The following TOGARAM1 variants were observed in gnomAD, a reference collection of about 807,000 sequenced individuals.
The protein encoded by TOGARAM1 is TOG array regulator of axonemal microtubules 1.
In TOGARAM1, 100 loss-of-function variants were observed where a neutral mutation model predicts 166.6. The ratio of observed to expected loss-of-function variants is 0.60; its 90% CI spans 0.51 to 0.71. The LOEUF is 0.71. TOGARAM1 is among the 30% of genes least tolerant of loss of function. The pLI, the probability that TOGARAM1 is intolerant of heterozygous loss-of-function variation, is 0.00. For missense variants in TOGARAM1, 2,029 were observed against 2,102.7 expected, an observed-to-expected ratio of 0.96 and a Z score of 0.69; for synonymous variants, 758 against 763.8, an observed-to-expected ratio of 0.99 and a Z score of 0.13.
chr14:44,972,263 A>AGT (rs1418910799), intron 1 of TOGARAM1, among the ~76,000 whole-genome samples: 1 of 151,904 alleles, frequency 6.6e-6, no homozygotes, highest in Non-Finnish European at 1.5e-5. Flanking sequence ...AATTTGTTAA[A>AGT]GTGTGTGTGT....
chr14:45,045,766 T>C (rs1013673026), intron 13 of TOGARAM1, among the ~76,000 whole-genome samples: 1 of 144,882 alleles, frequency 6.9e-6, no homozygotes, highest in Non-Finnish European at 1.5e-5. Flanking sequence ...CACATATATA[T>C]ATAAAACATT....
intron 1 of TOGARAM1, among the ~76,000 whole-genome samples, chr14:44,969,729 G>T (rs1885778504): frequency 6.6e-6 from 1 of 152,088 alleles, no homozygotes; most frequent in Admixed American, 6.6e-5. Context: ...TTTATGAAGG[G>T]TGTCAGGTCT....
chr14:44,980,767 A>G (rs1036900872), intron 1 of TOGARAM1, among the ~76,000 whole-genome samples: 1 of 152,184 alleles, frequency 6.6e-6, no homozygotes, highest in African/African-American at 2.4e-5. Flanking sequence ...ATGCTAAGGA[A>G]TTTAACCTGT....
rs753188167 is a variant in TOGARAM1 at position 45,068,564 on chromosome 14, G to A, written c.4890G>A (p.Val1630=). 1 of 1,613,202 alleles carries A rather than the reference G, an allele frequency of 6.2e-7. No individual in the cohort carries two copies. The highest frequency in any genetic ancestry group is 8.5e-7 in the Non-Finnish European group (1 of 1,179,588). The change falls in exon 18 of 20, where the codon GTG becomes GTA. Residue 1630 remains valine, a synonymous_variant. Coordinates refer to ENST00000361462, the MANE Select transcript of TOGARAM1 (RefSeq NM_001308120.2). The part of the protein sequence containing the change: ...PIINMLIPAI[V]DNNLNSKNPG... The stretch of plus-strand genomic sequence containing the variant: ...TCAACATGCTAATTCCAGCAATAGT[G>A]GATAACAATCTGAATTCCAAGAATC...
intron 3 of TOGARAM1, 102 bp downstream of exon 3, chr14:44,999,599 AAAAAT>A (rs1475913260): frequency 6.5e-6 from 6 of 916,102 alleles, no homozygotes; most frequent in Non-Finnish European, 9.0e-6. Flanking sequence ...ACTCATCACA[AAAAAT>A]AAAAGGATTT....
At chr14:45,064,991 A>G (rs1035280204) in intron 16 of TOGARAM1, among the ~76,000 whole-genome samples, 1 of 152,016 alleles carries the variant, frequency 6.6e-6, no homozygotes, top group Non-Finnish European at 1.5e-5. Context: ...TTATAATATT[A>G]TAATGTGCAT....
At chr14:44,983,104 G>T (rs1165287941) in intron 1 of TOGARAM1, among the ~76,000 whole-genome samples, 2 of 152,168 alleles carry the variant, frequency 1.3e-5, no homozygotes, top group Admixed American at 6.5e-5. Flanking sequence ...AATTAAACAT[G>T]CCGACTCTGT....
chr14:44,982,541 C>T (rs549309572), intron 1 of TOGARAM1, among the ~76,000 whole-genome samples: 2 of 152,180 alleles, frequency 1.3e-5, no homozygotes, highest in South Asian at 4.2e-4. Context: ...TGTATGTGGG[C>T]ACGAGGTCTG....
chr14:45,037,153 T>C (rs1301024229), intron 11 of TOGARAM1, among the ~76,000 whole-genome samples: 1 of 152,222 alleles, frequency 6.6e-6, no homozygotes, highest in Non-Finnish European at 1.5e-5. Context: ...CCCTCTCATC[T>C]TCTAGAGGTC....
In TOGARAM1 at chr14:44,990,363, T is replaced by C. The variant is rs964283891; in HGVS notation, c.2047-5383T>C. Among the ~76,000 whole-genome samples, 4 of 152,356 alleles carry C rather than the reference T, an allele frequency of 2.6e-5. No homozygotes were observed. The East Asian group carries it at 7.7e-4, about 29-fold the overall frequency. On this transcript the variant is annotated intron_variant, in intron 1 of 19. Transcript: ENST00000361462. ...GTTGCACACATATCTTTGTGTATTA[T>C]ATTGTGGCACATGAGCCACATTGCT...
At chr14:45,063,639 C>G (rs1296625364) in intron 16 of TOGARAM1, among the ~76,000 whole-genome samples, 1 of 151,920 alleles carries the variant, frequency 6.6e-6, no homozygotes, top group African/African-American at 2.4e-5. Context: ...GCCACCATGC[C>G]CAGCTAATTT....
rs148183514 is a variant in TOGARAM1 at position 45,031,309 on chromosome 14, T to C, written c.3659-914T>C. Among the ~76,000 whole-genome samples the C allele has an allele frequency of 3.4e-4, 52 of 152,374 alleles. No homozygotes were observed. In the Middle Eastern group the frequency reaches 0.02, roughly 60 times the overall value. On this transcript the variant is annotated intron_variant, in intron 10 of 19. Coordinates refer to ENST00000361462, the MANE Select transcript of TOGARAM1 (RefSeq NM_001308120.2). ...TCTCCACTGCACGTGTCTCGCATTATATAGTGCTCTCAAGGATATTATCCT... is the reference window on the plus strand; with the variant it reads ...TCTCCACTGCACGTGTCTCGCATTACATAGTGCTCTCAAGGATATTATCCT...
intron 12 of TOGARAM1, 62 bp from the exon 13 acceptor site, chr14:45,044,573 G>T: frequency 1.7e-6 from 2 of 1,195,628 alleles, no homozygotes. Flanking sequence ...TCCTTTCCAA[G>T]TTATTATTAG....
At position 44,982,824 on chromosome 14, in the gene TOGARAM1, C is replaced by T. The variant is rs930122984; in HGVS notation, c.2047-12922C>T. On this transcript the variant is annotated intron_variant, in intron 1 of 19. Coordinates refer to ENST00000361462, the MANE Select transcript of TOGARAM1 (RefSeq NM_001308120.2). Reference sequence around the variant, plus strand: ...AGCACATGTGAGTCATTTATTCCTTCTTCTCAATGATGGTAAACAGTATGA... The same window carrying T: ...AGCACATGTGAGTCATTTATTCCTTTTTCTCAATGATGGTAAACAGTATGA... 3.3e-5 allele frequency among the ~76,000 whole-genome samples: 5 copies of T among 152,156 alleles called. No individual in the cohort carries two copies. In the East Asian group the frequency reaches 7.7e-4, roughly 23 times the overall value.
At chr14:45,011,783 A>ATGTGTGTG (rs561590482) in intron 6 of TOGARAM1, 192 bp from the exon 7 acceptor site, 8 of 417,826 alleles carry the variant, frequency 1.9e-5, no homozygotes, top group African/African-American at 1.9e-4. Context: ...AGCAAAATAT[A>ATGTGTGTG]TATGTGTGTG....
chr14:44,972,741 T>C (rs1885953499), intron 1 of TOGARAM1, among the ~76,000 whole-genome samples: 1 of 152,164 alleles, frequency 6.6e-6, no homozygotes, highest in East Asian at 1.9e-4. Flanking sequence ...CTCTTTACTT[T>C]TAATTTATAT....
In TOGARAM1 at chr14:45,054,504, CA is replaced by C; in HGVS notation, c.4516del (p.Arg1506AspfsTer17). The C allele has an allele frequency of 6.2e-7, 1 of 1,613,416 alleles. No individual in the cohort carries two copies. Among genetic ancestry groups the C allele is most frequent in the Non-Finnish European group, 8.5e-7 (1 of 1,179,588 alleles). ...RRSHTGSVGN[T>X]RSSSVSRDAF... The stretch of plus-strand genomic sequence containing the variant: ...TCTCATACTGGCAGTGTTGGAAATA[CA>C]AGATCATCATCTGTTTCTAGAGATG... On this transcript the variant is annotated frameshift_variant, in exon 16 of 20. Coordinates refer to ENST00000361462, the MANE Select transcript of TOGARAM1 (RefSeq NM_001308120.2). LOFTEE classifies it high-confidence loss of function.
intron 1 of TOGARAM1, among the ~76,000 whole-genome samples, chr14:44,981,397 G>T (rs2138757546): frequency 6.6e-6 from 1 of 152,272 alleles, no homozygotes; most frequent in South Asian, 2.1e-4. Context: ...AAAGAGAAGT[G>T]TGCCCACGAG....
At position 45,006,240 on chromosome 14, in the gene TOGARAM1, C is replaced by G. The variant is rs757956482; in HGVS notation, c.2877C>G (p.Phe959Leu). 4.3e-6 allele frequency: 7 copies of G among 1,611,310 alleles called. No homozygotes were observed. In the East Asian group the frequency reaches 1.6e-4, roughly 36 times the overall value. The change falls in exon 5 of 20, where the codon TTC becomes TTG. Residue 959 changes from phenylalanine (F) to leucine (L), a missense_variant. This residue lies in a region of TOGARAM1 where 1,453 missense variants were observed against 1,432.2 expected (regional missense o/e 1.01). Transcript: ENST00000361462. ...SLPIDLSELNFKDKDLDQEEM... is the reference protein window; with the variant it reads ...SLPIDLSELNLKDKDLDQEEM... ...CAATTGATCTTTCAGAATTAAATTT[C>G]AAGGATAAAGATTTGGATCAAGAAG...
Sources: gnomAD v4.1 joint callset for allele counts (sites outside exome capture counted in the v4.1 genomes callset) on GRCh38, gnomAD v4.1.1 for gene constraint, gnomAD v4.1.1 regional missense constraint, MANE v1.5 for transcripts, NCBI Gene and HGNC (gene_info 2026-07-23, HGNC 2026-07-21) for gene names.